The following HHAT variants were observed in gnomAD, a reference collection of about 807,000 sequenced individuals.
HHAT encodes the protein hedgehog acyltransferase, also known as protein-cysteine N-palmitoyltransferase HHAT.
In HHAT, 47 loss-of-function variants were observed where a neutral mutation model predicts 70.8. The observed-to-expected ratio is 0.66, with a 90% CI of 0.53 to 0.85. The LOEUF is 0.85. Among genes scored for constraint, HHAT ranks in the 40% least tolerant of loss-of-function variants. The pLI, the probability that HHAT is intolerant of heterozygous loss-of-function variation, is 0.00. For missense variants in HHAT, 609 were observed against 604.8 expected, an observed-to-expected ratio of 1.01 and a Z score of -0.07; for synonymous variants, 228 against 247.6, an observed-to-expected ratio of 0.92 and a Z score of 0.74.
chr1:210,556,142 T>G (rs971039133), intron 9 of HHAT, among the ~76,000 whole-genome samples: 12 of 152,122 alleles, frequency 7.9e-5, no homozygotes, highest in African/African-American at 2.9e-4. Flanking sequence ...CTTTTTCTCG[T>G]CTAGTCTCCA....
chr1:210,454,276 G>A (rs574166423), intron 7 of HHAT, among the ~76,000 whole-genome samples: 17 of 152,184 alleles, frequency 1.1e-4, no homozygotes, highest in Admixed American at 2.6e-4. Context: ...CCCTTCGGCC[G>A]GGCACGGTGA....
At chr1:210,494,773 A>C (rs534332474) in intron 8 of HHAT, among the ~76,000 whole-genome samples, 1 of 151,978 alleles carries the variant, frequency 6.6e-6, no homozygotes, top group East Asian at 1.9e-4. Context: ...GGCTGGTCTC[A>C]AACTCCTGAC....
At chr1:210,445,175 A>G (rs2093610217) in intron 7 of HHAT, among the ~76,000 whole-genome samples, 1 of 152,162 alleles carries the variant, frequency 6.6e-6, no homozygotes. Context: ...TCACTTGTTG[A>G]CTAGTGAGCA....
chr1:210,358,765 G>T (rs1408172333), intron 2 of HHAT, among the ~76,000 whole-genome samples: 2 of 151,964 alleles, frequency 1.3e-5, no homozygotes, highest in Non-Finnish European at 2.9e-5. Context: ...GTCAGACTAG[G>T]GTGTGTGTGT....
intron 11 of HHAT, 36 bp from the exon 12 acceptor site, chr1:210,674,252 T>C: frequency 6.4e-7 from 1 of 1,563,078 alleles, no homozygotes; most frequent in East Asian, 2.2e-5. Flanking sequence ...CCCAAGCATT[T>C]CTAACTGCTC....
intron 8 of HHAT, among the ~76,000 whole-genome samples, chr1:210,476,889 A>C (rs1011951260): frequency 1.3e-5 from 2 of 152,234 alleles, no homozygotes; most frequent in Admixed American, 1.3e-4. Flanking sequence ...CAGTGTATGC[A>C]TATTAACATT....
chr1:210,623,165 G>C (rs375991987), intron 10 of HHAT, among the ~76,000 whole-genome samples: 1 of 152,116 alleles, frequency 6.6e-6, no homozygotes, highest in South Asian at 2.1e-4. Flanking sequence ...TCGAACTCCC[G>C]GGCTGAAGCA....
intron 7 of HHAT, among the ~76,000 whole-genome samples, chr1:210,459,909 T>G (rs1181055206): frequency 2.0e-5 from 3 of 152,192 alleles, no homozygotes; most frequent in African/African-American, 4.8e-5. Flanking sequence ...ATAGTTGCAG[T>G]CAGACATCAG....
chr1:210,380,911 A>C (rs1017869301), intron 3 of HHAT, among the ~76,000 whole-genome samples: 2 of 152,136 alleles, frequency 1.3e-5, no homozygotes, highest in Non-Finnish European at 2.9e-5. Flanking sequence ...CATTTTATGA[A>C]GAACTGCATG....
intron 10 of HHAT, among the ~76,000 whole-genome samples, chr1:210,614,585 T>C (rs1667286266): frequency 1.3e-5 from 2 of 152,030 alleles, no homozygotes; most frequent in South Asian, 2.1e-4. Context: ...CAACAGGCCC[T>C]AGTGTGTGAT....
At chr1:210,360,549 A>G (rs1434108130) in intron 2 of HHAT, among the ~76,000 whole-genome samples, 1 of 152,070 alleles carries the variant, frequency 6.6e-6, no homozygotes, top group Non-Finnish European at 1.5e-5. Flanking sequence ...ACCTCAGGTG[A>G]TCTGCCCACC....
chr1:210,410,407 T>C lies in HHAT; in HGVS notation c.684+5728T>C, dbSNP rs146250036. On this transcript the variant is annotated intron_variant, in intron 6 of 11. Coordinates refer to ENST00000261458, the MANE Select transcript of HHAT (RefSeq NM_018194.6). ...CTAGATTGCAGATGTAAATGGACTG[T>C]AATAATGATATGACCCTAAAGAAAG... 2.3e-3 allele frequency among the ~76,000 whole-genome samples: 348 copies of C among 150,354 alleles called. 4 individuals are homozygous for C. The highest frequency in any genetic ancestry group is 8.1e-3 in the African/African-American group (330 of 40,730).
intron 11 of HHAT, among the ~76,000 whole-genome samples, chr1:210,644,073 T>C (rs181523452): frequency 6.1e-4 from 93 of 152,206 alleles, no homozygotes; most frequent in African/African-American, 2.2e-3. Context: ...GAATTGTAGA[T>C]AGTTAGATCC....
At chr1:210,372,368 T>A (rs1286183755) in intron 3 of HHAT, among the ~76,000 whole-genome samples, 1 of 152,200 alleles carries the variant, frequency 6.6e-6, no homozygotes, top group African/African-American at 2.4e-5. Context: ...GCCTATTTTG[T>A]TGTTTAACAA....
At chr1:210,479,406 C>T (rs1021030746) in intron 8 of HHAT, among the ~76,000 whole-genome samples, 1 of 152,200 alleles carries the variant, frequency 6.6e-6, no homozygotes, top group African/African-American at 2.4e-5. Context: ...ATGACCATCA[C>T]TGAGTCTCCA....
At chr1:210,446,756 C>G (rs1209553314) in intron 7 of HHAT, among the ~76,000 whole-genome samples, 1 of 152,248 alleles carries the variant, frequency 6.6e-6, no homozygotes, top group African/African-American at 2.4e-5. Context: ...ATTCCCATCT[C>G]TGCTTAAATG....
At position 210,387,580 on chromosome 1, in the gene HHAT, AG is replaced by A. The variant is rs1442908782; in HGVS notation, c.273+1del. 1 of 1,609,402 alleles carries A rather than the reference AG, an allele frequency of 6.2e-7. No homozygotes were observed. Among genetic ancestry groups the A allele is most frequent in the Non-Finnish European group, 8.5e-7 (1 of 1,175,794 alleles). ...VSQMATLLARKHRPWILMLYG... is the reference protein window; with the variant it reads ...VSQMATLLARXHRPWILMLYG... ...CAAATGGCCACACTGCTGGCAAGAA[AG>A]GTATGATTATATGTGTTGTTACCTT... On this transcript the variant is annotated frameshift_variant and splice_region_variant, in exon 4 of 12. Transcript: ENST00000261458. LOFTEE classifies it high-confidence loss of function.
chr1:210,511,845 A>G (rs75863921), intron 8 of HHAT, among the ~76,000 whole-genome samples: 9,194 of 133,450 alleles, frequency 0.069, 828 homozygotes, highest in East Asian at 0.34. Flanking sequence ...GCTGGAGTGC[A>G]GTGGTGTGAT....
chr1:210,402,881 T>G (rs1250329706), intron 5 of HHAT, among the ~76,000 whole-genome samples: 1 of 152,202 alleles, frequency 6.6e-6, no homozygotes, highest in Non-Finnish European at 1.5e-5. Flanking sequence ...AGGAACATGA[T>G]GGGAAATGTG....
Sources: gnomAD v4.1 joint callset for allele counts (sites outside exome capture counted in the v4.1 genomes callset) on GRCh38, gnomAD v4.1.1 for gene constraint, MANE v1.5 for transcripts, NCBI Gene and HGNC (gene_info 2026-07-23, HGNC 2026-07-21) for gene names.